Variants in CSGALNACT1 observed in about 807,000 individuals in gnomAD.
The protein encoded by CSGALNACT1 is chondroitin sulfate N-acetylgalactosaminyltransferase 1.
CSGALNACT1 carries 52 observed loss-of-function variants against 51.0 expected under a neutral mutation model. That is an observed-to-expected ratio of 1.02 (90% confidence interval 0.82 to 1.29). CSGALNACT1 has a LOEUF of 1.29. CSGALNACT1 is among the 50% of genes most tolerant of loss of function. CSGALNACT1 has a pLI of 0.00. For missense variants in CSGALNACT1, 935 were observed against 679.2 expected (o/e 1.38, Z -4.19); for synonymous variants, 341 against 254.4 (o/e 1.34, Z -3.24).
intron 3 of CSGALNACT1, among the ~76,000 whole-genome samples, chr8:19,588,728 A>G (rs1156354243): frequency 6.6e-6 from 1 of 152,218 alleles, no homozygotes; most frequent in African/African-American, 2.4e-5. Flanking sequence ...GTTGGCACTG[A>G]AAGAAATTAT....
chr8:19,575,272 C>T (rs1301685965), intron 3 of CSGALNACT1, among the ~76,000 whole-genome samples: 4 of 152,158 alleles, frequency 2.6e-5, no homozygotes, highest in African/African-American at 7.2e-5. Flanking sequence ...CTCTGGTTGT[C>T]GCCTTTTCCT....
At chr8:19,675,141 G>T (rs2060083996) in intron 1 of CSGALNACT1, among the ~76,000 whole-genome samples, 1 of 152,170 alleles carries the variant, frequency 6.6e-6, no homozygotes. Context: ...AAGTCATGGA[G>T]CTATCATGGT....
intron 1 of CSGALNACT1, among the ~76,000 whole-genome samples, chr8:19,630,047 G>A (rs1056269751): frequency 6.6e-6 from 1 of 152,120 alleles, no homozygotes; most frequent in Non-Finnish European, 1.5e-5. Flanking sequence ...GGATGCTATG[G>A]CAGAGCAACG....
intron 1 of CSGALNACT1, among the ~76,000 whole-genome samples, chr8:19,670,645 GAAGACA>G (rs1235714639): frequency 2.6e-4 from 4 of 15,576 alleles, no homozygotes; most frequent in African/African-American, 1.4e-3. Flanking sequence ...ATGCACTACT[GAAGACA>G]AAAAAAAAAA....
chr8:19,679,967 T>C (rs1220776380), intron 1 of CSGALNACT1, among the ~76,000 whole-genome samples: 1 of 152,150 alleles, frequency 6.6e-6, no homozygotes, highest in Non-Finnish European at 1.5e-5. Context: ...CATTTACAGG[T>C]TATAATGGAC....
chr8:19,505,786 C>G (rs764723070), exon 4 of CSGALNACT1: 1 of 1,613,892 alleles, frequency 6.2e-7, no homozygotes, highest in Non-Finnish European at 8.5e-7. Context: ...ACCAGCAAAA[C>G]CACCACCCGG....
At chr8:19,502,079 C>G (rs1325020631) in intron 4 of CSGALNACT1, among the ~76,000 whole-genome samples, 1 of 152,228 alleles carries the variant, frequency 6.6e-6, no homozygotes, top group Non-Finnish European at 1.5e-5. Context: ...CCTCTGCAAG[C>G]TTCGCAGAAC....
At chr8:19,503,419 A>G (rs892466644) in intron 4 of CSGALNACT1, among the ~76,000 whole-genome samples, 1 of 152,248 alleles carries the variant, frequency 6.6e-6, no homozygotes, top group Non-Finnish European at 1.5e-5. Context: ...TGCATAGAAT[A>G]GCAGATAGAT....
chr8:19,752,994 C>G (rs770533519), intron 1 of CSGALNACT1, among the ~76,000 whole-genome samples: 9 of 152,174 alleles, frequency 5.9e-5, no homozygotes, highest in Non-Finnish European at 1.3e-4. Context: ...CCATCCATAA[C>G]CTTGTTCAGC....
chr8:19,655,559 T>TACACAC (rs72307845), intron 1 of CSGALNACT1, among the ~76,000 whole-genome samples: 2 of 140,860 alleles, frequency 1.4e-5, no homozygotes, highest in African/African-American at 5.1e-5. Flanking sequence ...CACATATATA[T>TACACAC]ACACACACAC....
chr8:19,488,920 C>T (rs967830535), intron 4 of CSGALNACT1, among the ~76,000 whole-genome samples: 1 of 152,098 alleles, frequency 6.6e-6, no homozygotes, highest in South Asian at 2.1e-4. Context: ...CAGCAGAATA[C>T]AGGGTTTTCA....
chr8:19,654,307 T>C (rs2058076884), intron 1 of CSGALNACT1, among the ~76,000 whole-genome samples: 1 of 152,172 alleles, frequency 6.6e-6, no homozygotes. Flanking sequence ...GAATTTCAAA[T>C]AGGAAGGGAA....
chr8:19,480,102 ATTTTATT>A (rs2070942802), intron 4 of CSGALNACT1, among the ~76,000 whole-genome samples: 1 of 152,160 alleles, frequency 6.6e-6, no homozygotes, highest in African/African-American at 2.4e-5. Context: ...CAAGTCATGT[ATTTTATT>A]TTTATTTTTT....
intron 6 of CSGALNACT1, among the ~76,000 whole-genome samples, chr8:19,429,475 G>T (rs529154248): frequency 1.3e-5 from 2 of 152,224 alleles, no homozygotes; most frequent in African/African-American, 4.8e-5. Context: ...CTGGCACCTG[G>T]CCATTATTGA....
intron 1 of CSGALNACT1, among the ~76,000 whole-genome samples, chr8:19,696,243 C>A (rs1788016694): frequency 6.6e-6 from 1 of 152,204 alleles, no homozygotes; most frequent in South Asian, 2.1e-4. Context: ...CCCAATCCAA[C>A]TTACATTTTA....
chr8:19,548,555 C>A (rs183825984), intron 3 of CSGALNACT1, among the ~76,000 whole-genome samples: 14 of 110,412 alleles, frequency 1.3e-4, no homozygotes, highest in Non-Finnish European at 2.8e-4. Flanking sequence ...GTTAGTTTTT[C>A]TCAAATATTA....
chr8:19,406,169 G>A, intron 9 of CSGALNACT1, 100 bp from the exon 9 acceptor site: 2 of 1,371,556 alleles, frequency 1.5e-6, no homozygotes, highest in Non-Finnish European at 2.1e-6. Context: ...ATGACTGGGG[G>A]GGATGCGTGC....
intron 3 of CSGALNACT1, among the ~76,000 whole-genome samples, chr8:19,525,550 G>A (rs2081494648): frequency 1.4e-5 from 2 of 139,302 alleles, no homozygotes; most frequent in South Asian, 4.7e-4. Flanking sequence ...CCAGCAGGCA[G>A]AGGCTGCAGT....
intron 1 of CSGALNACT1, among the ~76,000 whole-genome samples, chr8:19,749,345 A>C (rs1172696596): frequency 6.8e-6 from 1 of 146,388 alleles, no homozygotes; most frequent in African/African-American, 2.6e-5. Context: ...CTGTTTTTAA[A>C]TTTTTGGCTT....
Sources: allele counts gnomAD v4.1 joint callset (sites outside exome capture counted in the v4.1 genomes callset), GRCh38; gene constraint gnomAD v4.1.1; transcripts MANE v1.5; gene names NCBI Gene and HGNC (gene_info 2026-07-23, HGNC 2026-07-21).